Variants in RAB9A observed in about 807,000 individuals in gnomAD.
RAB9A encodes RAB9A, member RAS oncogene family.
In RAB9A, 1 loss-of-function variant was observed where a neutral mutation model predicts 10.3. The observed-to-expected ratio is 0.10, with a 90% CI of 0.03 to 0.46. The LOEUF is 0.46. Ranked by LOEUF, RAB9A falls within the 20% of genes least tolerant of loss-of-function variation. The pLI is 0.96. For synonymous variants in RAB9A, 39 were observed against 55.2 expected, an observed-to-expected ratio of 0.71 and a Z score of 1.30; for missense variants, 92 against 150.3, an observed-to-expected ratio of 0.61 and a Z score of 2.03.
chrX:13,689,942 A>G (rs1199838121), intron 1 of RAB9A, among the ~76,000 whole-genome samples: 1 of 105,367 alleles, frequency 9.5e-6, no homozygotes, highest in Non-Finnish European at 1.9e-5. Flanking sequence ...TGCTGAACTT[A>G]ATAAATAGTT....
Position 13,691,198 on chromosome X carries a change from C to T in RAB9A, c.-116+1910C>T, listed in dbSNP as rs146809861. ...CTAGCCCAAAATGTCACTAGTGCCA[C>T]GGTTGAGAAACCCTCCTTTTCAGCA... is the stretch of plus-strand genomic sequence containing the variant. On this transcript the variant is annotated intron_variant, in intron 1 of 2. Coordinates refer to ENST00000464506, the MANE Select transcript of RAB9A (RefSeq NM_004251.5). Among the ~76,000 whole-genome samples, 812 of 111,951 alleles carry T rather than the reference C, an allele frequency of 7.3e-3. 13 individuals carry two copies. Among genetic ancestry groups the T allele is most frequent in the East Asian group, 0.047 (169 of 3,580 alleles).
At chrX:13,700,521 G>A (rs1034719007) in intron 1 of RAB9A, among the ~76,000 whole-genome samples, 17 of 111,984 alleles carry the variant, frequency 1.5e-4, no homozygotes, top group South Asian at 3.6e-4. Flanking sequence ...TGGTTCATTT[G>A]TTTTCCTGCC....
chrX:13,690,852 A>G lies in RAB9A; in HGVS notation c.-116+1564A>G, dbSNP rs752325830. Among the ~76,000 whole-genome samples, 5 of 111,591 alleles carry G rather than the reference A, an allele frequency of 4.5e-5. No homozygotes were observed. In the South Asian group the frequency reaches 1.9e-3, roughly 41 times the overall value. ...ACAGTTGAGGAATTTGGGGGGGCAT[A>G]GGAAGGTTCAGTCTGTTTTCCAAGA... is the stretch of plus-strand genomic sequence containing the variant. On this transcript the variant is annotated intron_variant, in intron 1 of 2. Transcript: ENST00000464506.
In RAB9A at chrX:13,709,637, T is replaced by C. The variant is rs1263212982; in HGVS notation, c.*285T>C. On this transcript the variant is annotated 3_prime_UTR_variant, in exon 3 of 3. Coordinates refer to ENST00000464506, the MANE Select transcript of RAB9A (RefSeq NM_004251.5). Reference sequence around the variant, plus strand: ...CTAATAAATGAAATGACCAAGACTTTAATTATAATAAAAATAAGAAACTTG... The same window carrying C: ...CTAATAAATGAAATGACCAAGACTTCAATTATAATAAAAATAAGAAACTTG... The C allele has an allele frequency of 1.2e-5, 2 of 171,079 alleles. No homozygotes were observed. The highest frequency in any genetic ancestry group is 2.4e-5 in the Non-Finnish European group (2 of 84,185). The allele number at this position is 171,079 out of a possible 1,213,427, so 14.1% of individuals were successfully genotyped here.
rs564672827 is a variant in RAB9A at position 13,709,611 on chromosome X, G to A, written c.*259G>A. 3.4e-5 allele frequency: 7 copies of A among 208,541 alleles called. No homozygotes were observed. The South Asian group carries it at 1.7e-3, about 50-fold the overall frequency. The allele number at this position is 208,541 out of a possible 1,213,427, so 17.2% of individuals were successfully genotyped here. ...TTAATTTAAATATGTAAGTTGCAGA[G>A]CTAATAAATGAAATGACCAAGACTT... On this transcript the variant is annotated 3_prime_UTR_variant, in exon 3 of 3. Coordinates refer to ENST00000464506, the MANE Select transcript of RAB9A (RefSeq NM_004251.5).
chrX:13,691,858 A>G (rs751230992), intron 1 of RAB9A, among the ~76,000 whole-genome samples: 17 of 110,106 alleles, frequency 1.5e-4, no homozygotes, highest in African/African-American at 4.3e-4. Context: ...GCTGATGAGA[A>G]GGGCGGTGGG....
chrX:13,696,865 G>A (rs975422017), intron 1 of RAB9A, among the ~76,000 whole-genome samples: 3 of 111,773 alleles, frequency 2.7e-5, no homozygotes, highest in African/African-American at 9.8e-5. Context: ...CACTTCGATA[G>A]GGGCAGACCT....
intron 2 of RAB9A, among the ~76,000 whole-genome samples, chrX:13,706,143 C>A (rs1459175031): frequency 1.8e-5 from 2 of 111,918 alleles, no homozygotes; most frequent in Admixed American, 1.9e-4. Context: ...TCAATCTTTT[C>A]TTTTTAAGTT....
At chrX:13,700,145 C>T (rs1602697537) in intron 1 of RAB9A, among the ~76,000 whole-genome samples, 2 of 111,701 alleles carry the variant, frequency 1.8e-5, no homozygotes, top group Admixed American at 1.9e-4. Context: ...GATGGGGTTT[C>T]ACCATGTTGC....
At chrX:13,689,821 T>C (rs2046112019) in intron 1 of RAB9A, among the ~76,000 whole-genome samples, 1 of 112,422 alleles carries the variant, frequency 8.9e-6, no homozygotes, top group Admixed American at 9.4e-5. Flanking sequence ...TCTTAGAGGC[T>C]GCAGGCGTTT....
At chrX:13,689,841 T>A in intron 1 of RAB9A, among the ~76,000 whole-genome samples, 1 of 112,229 alleles carries the variant, frequency 8.9e-6, no homozygotes, top group Non-Finnish European at 1.9e-5. Flanking sequence ...TTGGGGGCAT[T>A]ATCTGATTCA....
intron 2 of RAB9A, among the ~76,000 whole-genome samples, chrX:13,704,621 T>TC (rs1204005386): frequency 6.5e-5 from 7 of 107,333 alleles, no homozygotes; most frequent in Admixed American, 3.0e-4. Context: ...TTTCTTTCTT[T>TC]TTTTTTTTTT....
chrX:13,697,943 A>T (rs1237370280), intron 1 of RAB9A, among the ~76,000 whole-genome samples: 2 of 111,664 alleles, frequency 1.8e-5, no homozygotes, highest in Non-Finnish European at 3.8e-5. Context: ...TGTCCAACAC[A>T]GTTCCCACTA....
At chrX:13,706,474 C>T (rs2046197868) in intron 2 of RAB9A, among the ~76,000 whole-genome samples, 1 of 111,217 alleles carries the variant, frequency 9.0e-6, no homozygotes, top group Non-Finnish European at 1.9e-5. Flanking sequence ...TCACGGCAAC[C>T]TACGCCTCCC....
chrX:13,701,172 C>T (rs758688083), intron 1 of RAB9A, among the ~76,000 whole-genome samples: 61 of 107,192 alleles, frequency 5.7e-4, no homozygotes, highest in African/African-American at 2.0e-3. Context: ...TTTTTATTAC[C>T]CCCCCAAAAA....
At chrX:13,701,599 A>G (rs2046174069) in intron 1 of RAB9A, among the ~76,000 whole-genome samples, 1 of 111,207 alleles carries the variant, frequency 9.0e-6, no homozygotes, top group South Asian at 3.8e-4. Flanking sequence ...TATTAGACAT[A>G]GTAGGCATGT....
chrX:13,702,154 G>A (rs776546138), intron 1 of RAB9A, among the ~76,000 whole-genome samples: 26 of 111,615 alleles, frequency 2.3e-4, no homozygotes, highest in Non-Finnish European at 4.7e-4. Flanking sequence ...TCTAGCCTCC[G>A]GGTGCTCAGG....
At position 13,695,999 on chromosome X, in the gene RAB9A, G is replaced by A. The variant is rs755045448; in HGVS notation, c.-116+6711G>A. ...AGGCTGTTTGGACCTGATAGAAGCA[G>A]TAATGGGTGGTAAGTCCTGGCTCAG... On this transcript the variant is annotated intron_variant, in intron 1 of 2. Coordinates refer to ENST00000464506, the MANE Select transcript of RAB9A (RefSeq NM_004251.5). 3.6e-5 allele frequency among the ~76,000 whole-genome samples: 4 copies of A among 111,665 alleles called. No individual in the cohort carries two copies. The Admixed American group carries it at 3.8e-4, about 11-fold the overall frequency.
intron 1 of RAB9A, among the ~76,000 whole-genome samples, chrX:13,690,342 C>A (rs1048296776): frequency 8.9e-6 from 1 of 112,191 alleles, no homozygotes; most frequent in Non-Finnish European, 1.9e-5. Flanking sequence ...TATTTGGATT[C>A]CTAAATCTAA....
Sources: allele counts gnomAD v4.1 joint callset (sites outside exome capture counted in the v4.1 genomes callset), GRCh38; gene constraint gnomAD v4.1.1; transcripts MANE v1.5; gene names NCBI Gene and HGNC (gene_info 2026-07-23, HGNC 2026-07-21).